PTPRD: variants seen among roughly 807,000 people sequenced by gnomAD.
PTPRD encodes receptor-type tyrosine-protein phosphatase delta.
A neutral mutation model predicts 214.5 loss-of-function variants in PTPRD; 34 were observed. The ratio of observed to expected loss-of-function variants is 0.16; its 90% CI spans 0.12 to 0.21. PTPRD has a LOEUF of 0.21. PTPRD is among the 10% of genes least tolerant of loss of function. PTPRD has a pLI of 1.00. For synonymous variants in PTPRD, 1,128 were observed against 845.7 expected (o/e 1.33, Z -5.79); for missense variants, 2,545 against 2,398.7 (o/e 1.06, Z -1.27).
chr9:9,720,176 C>T (rs926309542), intron 7 of PTPRD, among the ~76,000 whole-genome samples: 7 of 152,108 alleles, frequency 4.6e-5, no homozygotes, highest in African/African-American at 7.2e-5. Flanking sequence ...ATCTTATAAT[C>T]GTTTACTAGG....
At chr9:9,067,414 TTTGC>T (rs1316932530) in intron 10 of PTPRD, among the ~76,000 whole-genome samples, 1 of 152,208 alleles carries the variant, frequency 6.6e-6, no homozygotes, top group Admixed American at 6.5e-5. Context: ...TTTGTTAATA[TTTGC>T]TTATTTTTCA....
chr9:9,947,271 A>G (rs1169718835), intron 4 of PTPRD, among the ~76,000 whole-genome samples: 2 of 118,764 alleles, frequency 1.7e-5, no homozygotes, highest in African/African-American at 3.2e-5. Context: ...TTCTAGTTAT[A>G]CTTAACATGT....
chr9:8,616,968 G>A (rs1163209510), intron 14 of PTPRD, among the ~76,000 whole-genome samples: 1 of 152,082 alleles, frequency 6.6e-6, no homozygotes, highest in African/African-American at 2.4e-5. Context: ...TGGTTTAATC[G>A]GGGATTATCA....
At chr9:9,781,623 A>C (rs185676181) in intron 5 of PTPRD, among the ~76,000 whole-genome samples, 219 of 152,282 alleles carry the variant, frequency 1.4e-3, no homozygotes, top group Non-Finnish European at 1.7e-3. Flanking sequence ...GTGCTCAACA[A>C]GTGTTTCCTT....
At chr9:8,932,137 G>GT (rs202018752) in intron 11 of PTPRD, among the ~76,000 whole-genome samples, 26 of 152,134 alleles carry the variant, frequency 1.7e-4, no homozygotes, top group Admixed American at 3.3e-4. Context: ...TTTTTGAAGG[G>GT]TTTTTCGTGT....
At chr9:9,886,043 A>AACCTTTGG (rs1483753057) in intron 5 of PTPRD, among the ~76,000 whole-genome samples, 1 of 152,078 alleles carries the variant, frequency 6.6e-6, no homozygotes. Context: ...AATGAAAAGA[A>AACCTTTGG]ACCTTTGGAC....
At chr9:8,696,188 G>A (rs1365662601) in intron 12 of PTPRD, among the ~76,000 whole-genome samples, 1 of 152,038 alleles carries the variant, frequency 6.6e-6, no homozygotes, top group East Asian at 1.9e-4. Context: ...ACACAACAGA[G>A]AGAAGAGGAC....
intron 2 of PTPRD, among the ~76,000 whole-genome samples, chr9:10,419,240 A>T (rs2098523744): frequency 6.6e-6 from 1 of 152,094 alleles, no homozygotes; most frequent in African/African-American, 2.4e-5. Context: ...ATCAGTGGTC[A>T]AAAAAGATGG....
chr9:9,531,488 G>C (rs1279888491), intron 8 of PTPRD, among the ~76,000 whole-genome samples: 1 of 152,162 alleles, frequency 6.6e-6, no homozygotes, highest in Non-Finnish European at 1.5e-5. Flanking sequence ...ATGTTCGAAA[G>C]AATTTTGTTG....
Position 8,314,783 on chromosome 9 carries a change from C to A in PTPRD, c.*3091G>T. On this transcript the variant is annotated 3_prime_UTR_variant, in exon 46 of 46. Coordinates refer to ENST00000381196, the MANE Select transcript of PTPRD (RefSeq NM_002839.4). ...TATTTACATACACACAAATGAATTT[C>A]CGAAGCAGTTTCTTACAGATGGGTT... 4.3e-6 allele frequency: 1 copy of A among 232,246 alleles called. No individual in the cohort carries two copies. The highest frequency in any genetic ancestry group is 8.5e-6 in the Non-Finnish European group (1 of 117,288). 14.4% of individuals were successfully genotyped at this position (232,246 alleles called of 1,614,324 possible).
intron 2 of PTPRD, among the ~76,000 whole-genome samples, chr9:10,408,634 T>G (rs2098401923): frequency 6.6e-6 from 1 of 151,722 alleles, no homozygotes; most frequent in Admixed American, 6.6e-5. Context: ...TAGTTTCCTC[T>G]TACAGAGTAT....
chr9:9,646,326 T>G (rs995129491), intron 7 of PTPRD, among the ~76,000 whole-genome samples: 1 of 149,666 alleles, frequency 6.7e-6, no homozygotes, highest in Non-Finnish European at 1.5e-5. Context: ...TGGGTGTGTG[T>G]GTGTGTGTGT....
chr9:10,121,695 C>A, intron 3 of PTPRD, among the ~76,000 whole-genome samples: 1 of 152,154 alleles, frequency 6.6e-6, no homozygotes, highest in Admixed American at 6.6e-5. Flanking sequence ...TCAAAGTAGG[C>A]TTCATGTCTT....
chr9:9,236,016 C>T (rs1001678775), intron 9 of PTPRD, among the ~76,000 whole-genome samples: 4 of 152,104 alleles, frequency 2.6e-5, no homozygotes, highest in African/African-American at 9.7e-5. Flanking sequence ...GTAATCCCAG[C>T]ACTTTGGGAG....
chr9:8,557,439 T>TAA (rs2084248930), intron 14 of PTPRD, among the ~76,000 whole-genome samples: 3 of 135,456 alleles, frequency 2.2e-5, no homozygotes, highest in African/African-American at 7.1e-5. Flanking sequence ...TAAATACATA[T>TAA]ATATATATAT....
intron 11 of PTPRD, among the ~76,000 whole-genome samples, chr9:8,969,490 T>C (rs2099222889): frequency 6.6e-6 from 1 of 152,078 alleles, no homozygotes; most frequent in South Asian, 2.1e-4. Context: ...AATAGTTTCA[T>C]ATTATACAAG....
intron 7 of PTPRD, among the ~76,000 whole-genome samples, chr9:9,669,950 C>T (rs2096795628): frequency 1.3e-5 from 2 of 152,132 alleles, no homozygotes; most frequent in South Asian, 4.1e-4. Flanking sequence ...TATCCCTTTA[C>T]AAATGTTCTA....
At chr9:10,356,176 G>T (rs910220778) in intron 2 of PTPRD, among the ~76,000 whole-genome samples, 3 of 151,734 alleles carry the variant, frequency 2.0e-5, no homozygotes, top group African/African-American at 7.3e-5. Flanking sequence ...CTGGCCACAG[G>T]CTAGTGTGGC....
At chr9:9,316,249 C>T (rs1025978231) in intron 9 of PTPRD, among the ~76,000 whole-genome samples, 2 of 151,936 alleles carry the variant, frequency 1.3e-5, no homozygotes, top group Non-Finnish European at 2.9e-5. Context: ...TCTCTCTCCC[C>T]TACCGTCTCT....
Sources: gnomAD v4.1 joint callset for allele counts (sites outside exome capture counted in the v4.1 genomes callset) on GRCh38, gnomAD v4.1.1 for gene constraint, MANE v1.5 for transcripts, NCBI Gene and HGNC (gene_info 2026-07-23, HGNC 2026-07-21) for gene names.